The following VEPH1 variants were observed in gnomAD, a reference collection of about 807,000 sequenced individuals.
VEPH1 encodes ventricular zone-expressed PH domain-containing protein homolog 1.
A neutral mutation model predicts 85.2 loss-of-function variants in VEPH1; 80 were observed. That is an observed-to-expected ratio of 0.94 (90% confidence interval 0.78 to 1.13). VEPH1 has a LOEUF of 1.13. Ranked by LOEUF, VEPH1 falls within the 50% of genes most tolerant of loss-of-function variation. The probability of loss-of-function intolerance (pLI) is 0.00; values close to 1 mark genes in which losing one functional copy is unlikely to be tolerated. For synonymous variants in VEPH1, 297 were observed against 348.0 expected, an observed-to-expected ratio of 0.85 and a Z score of 1.63; for missense variants, 955 against 980.5, an observed-to-expected ratio of 0.97 and a Z score of 0.35.
intron 9 of VEPH1, among the ~76,000 whole-genome samples, chr3:157,325,630 G>T (rs1721817134): frequency 6.6e-6 from 1 of 152,100 alleles, no homozygotes; most frequent in African/African-American, 2.4e-5. Context: ...TGTCAGGTTT[G>T]TCAAAGACCA....
chr3:157,291,355 A>T (rs956453706), intron 11 of VEPH1, among the ~76,000 whole-genome samples: 1 of 152,258 alleles, frequency 6.6e-6, no homozygotes, highest in Non-Finnish European at 1.5e-5. Context: ...ATATTGTCTT[A>T]AATTGTTATA....
intron 5 of VEPH1, among the ~76,000 whole-genome samples, chr3:157,426,992 CT>C (rs560739865): frequency 6.2e-4 from 89 of 144,354 alleles, no homozygotes; most frequent in Middle Eastern, 3.6e-3. Flanking sequence ...TTTTTCTTTT[CT>C]TTTTTTTTTT....
intron 1 of VEPH1, among the ~76,000 whole-genome samples, chr3:157,496,665 G>A (rs1739689868): frequency 1.3e-5 from 2 of 152,144 alleles, no homozygotes; most frequent in South Asian, 4.1e-4. Context: ...TCCTTGGGTA[G>A]TCTCAGACCT....
At chr3:157,450,404 G>A (rs1177300932) in intron 4 of VEPH1, among the ~76,000 whole-genome samples, 1 of 151,876 alleles carries the variant, frequency 6.6e-6, no homozygotes, top group African/African-American at 2.4e-5. Flanking sequence ...TTTTTCTAGA[G>A]ATAATGATTG....
intron 7 of VEPH1, among the ~76,000 whole-genome samples, chr3:157,369,180 G>GGAAAAAAAAAA (rs1553773035): frequency 1.9e-4 from 8 of 42,786 alleles, no homozygotes; most frequent in Admixed American, 9.9e-4. Context: ...AAAACCAAAT[G>GGAAAAAAAAAA]AAAAAAAAAA....
intron 7 of VEPH1, among the ~76,000 whole-genome samples, chr3:157,367,379 A>C (rs1726824953): frequency 6.6e-6 from 1 of 152,200 alleles, no homozygotes; most frequent in South Asian, 2.1e-4. Flanking sequence ...CTATCTCTAG[A>C]TGCTATTTTA....
At chr3:157,440,808 T>C (rs1217922379) in intron 4 of VEPH1, among the ~76,000 whole-genome samples, 4 of 152,092 alleles carry the variant, frequency 2.6e-5, no homozygotes, top group Admixed American at 6.6e-5. Flanking sequence ...TGGACAATGG[T>C]GGAAACTTAC....
chr3:157,444,351 A>G (rs1325407986), intron 4 of VEPH1, among the ~76,000 whole-genome samples: 1 of 152,230 alleles, frequency 6.6e-6, no homozygotes, highest in Non-Finnish European at 1.5e-5. Flanking sequence ...TTCTCAGTAA[A>G]AGGAGGTGAT....
chr3:157,364,176 T>G (rs757598983), intron 8 of VEPH1, 127 bp downstream of exon 8: 1 of 685,840 alleles, frequency 1.5e-6, no homozygotes, highest in Non-Finnish European at 2.4e-6. Flanking sequence ...ATTTCATTCA[T>G]GTAAGGATGG....
chr3:157,334,254 G>A (rs1473483437), intron 9 of VEPH1, among the ~76,000 whole-genome samples: 1 of 152,152 alleles, frequency 6.6e-6, no homozygotes, highest in East Asian at 1.9e-4. Context: ...GCTAAATGAG[G>A]TGTTACTGAA....
At chr3:157,459,603 AAAG>A (rs1250873617) in intron 4 of VEPH1, 1 of 1,207,318 alleles carries the variant, frequency 8.3e-7, no homozygotes, top group East Asian at 4.0e-5. Context: ...AAAGAAAATA[AAAG>A]AAGACAAGGA....
chr3:157,373,932 A>C (rs762512747), intron 7 of VEPH1, among the ~76,000 whole-genome samples: 3 of 152,262 alleles, frequency 2.0e-5, no homozygotes, highest in Non-Finnish European at 4.4e-5. Context: ...CTGAGGTCTC[A>C]CACTCCCTGG....
intron 5 of VEPH1, among the ~76,000 whole-genome samples, chr3:157,424,636 G>A (rs544764546): frequency 7.9e-5 from 12 of 152,148 alleles, no homozygotes; most frequent in Admixed American, 1.3e-4. Flanking sequence ...CAAAGGTGAC[G>A]CTTGTTATGT....
chr3:157,324,243 A>C (rs1310167179), intron 9 of VEPH1, among the ~76,000 whole-genome samples: 1 of 152,032 alleles, frequency 6.6e-6, no homozygotes, highest in Non-Finnish European at 1.5e-5. Context: ...GTTTTAGTAG[A>C]GATGGGGTTT....
intron 6 of VEPH1, chr3:157,413,679 T>A: frequency 1.0e-6 from 1 of 983,202 alleles, no homozygotes; most frequent in Non-Finnish European, 1.2e-6. Context: ...AAAGAGAAAT[T>A]GGGACTCCCA....
At chr3:157,423,647 C>T (rs535617191) in intron 5 of VEPH1, among the ~76,000 whole-genome samples, 2 of 152,318 alleles carry the variant, frequency 1.3e-5, no homozygotes, top group Non-Finnish European at 2.9e-5. Flanking sequence ...TTCATTACCC[C>T]CATCTCTGTT....
chr3:157,428,952 C>T (rs1732945883), intron 4 of VEPH1, among the ~76,000 whole-genome samples: 1 of 152,166 alleles, frequency 6.6e-6, no homozygotes, highest in Non-Finnish European at 1.5e-5. Flanking sequence ...ATAATTTAGA[C>T]AACTCACATA....
chr3:157,384,519 A>C (rs574827547), intron 6 of VEPH1, among the ~76,000 whole-genome samples: 33 of 152,360 alleles, frequency 2.2e-4, no homozygotes, highest in South Asian at 1.2e-3. Flanking sequence ...TTCTCACTAT[A>C]AAAATTTGCA....
At chr3:157,440,393 C>G (rs1004225220) in intron 4 of VEPH1, among the ~76,000 whole-genome samples, 1 of 152,138 alleles carries the variant, frequency 6.6e-6, no homozygotes, top group East Asian at 1.9e-4. Context: ...ACCCCTGAGC[C>G]ACTTGTAGGA....
Sources: gnomAD v4.1 joint callset for allele counts (sites outside exome capture counted in the v4.1 genomes callset) on GRCh38, gnomAD v4.1.1 for gene constraint, MANE v1.5 for transcripts, NCBI Gene and HGNC (gene_info 2026-07-23, HGNC 2026-07-21) for gene names.